Variants in VEPH1 observed in about 807,000 individuals in gnomAD.
VEPH1 encodes the protein ventricular zone expressed PH domain containing 1, also known as ventricular zone-expressed PH domain-containing protein homolog 1.
A neutral mutation model predicts 85.2 loss-of-function variants in VEPH1; 80 were observed. The ratio of observed to expected loss-of-function variants is 0.94; its 90% confidence interval spans 0.78 to 1.13. VEPH1 has a LOEUF of 1.13. Ranked by LOEUF, VEPH1 falls within the 50% of genes most tolerant of loss-of-function variation. The pLI, the probability that VEPH1 is intolerant of heterozygous loss-of-function variation, is 0.00. For missense variants in VEPH1, 955 were observed against 980.5 expected (o/e 0.97, Z 0.35); for synonymous variants, 297 against 348.0 (o/e 0.85, Z 1.63).
At chr3:157,266,575 A>T (rs558110970) in intron 12 of VEPH1, among the ~76,000 whole-genome samples, 13 of 152,300 alleles carry the variant, frequency 8.5e-5, no homozygotes, top group African/African-American at 2.4e-4. Context: ...CTGTTGAATC[A>T]CCAAGCATCT....
At chr3:157,347,728 A>G (rs1399523700) in intron 9 of VEPH1, among the ~76,000 whole-genome samples, 1 of 152,142 alleles carries the variant, frequency 6.6e-6, no homozygotes, top group Non-Finnish European at 1.5e-5. Flanking sequence ...TTTCCAGGAA[A>G]AGGTAAGCAG....
Position 157,311,545 on chromosome 3 carries a change from T to C in VEPH1, c.2010+2076A>G, listed in dbSNP as rs570305211. ...ATAATGTACATTGCAGATATCAAAG[T>C]TTTTTCTATTACTCATGAACAAACC... On this transcript the variant is annotated intron_variant, in intron 11 of 13. Coordinates refer to ENST00000362010, the MANE Select transcript of VEPH1 (RefSeq NM_001167912.2). Among the ~76,000 whole-genome samples the C allele has an allele frequency of 2.0e-5, 3 of 152,284 alleles. No individual in the cohort carries two copies. The East Asian group carries it at 5.8e-4, about 29-fold the overall frequency.
chr3:157,292,297 T>C (rs1403105), intron 11 of VEPH1, among the ~76,000 whole-genome samples: 68,659 of 152,026 alleles, frequency 0.45, 16,404 homozygotes, highest in Admixed American at 0.59. Flanking sequence ...ATCCTATGTC[T>C]TTCAAAGCAG....
intron 12 of VEPH1, among the ~76,000 whole-genome samples, chr3:157,269,633 GT>G (rs1402168956): frequency 2.3e-5 from 2 of 87,058 alleles, no homozygotes; most frequent in Non-Finnish European, 4.8e-5. Flanking sequence ...TTTTGTTTTT[GT>G]TTTTGTTGTT....
intron 3 of VEPH1, among the ~76,000 whole-genome samples, chr3:157,466,398 A>G (rs1181942191): frequency 2.0e-5 from 3 of 152,206 alleles, no homozygotes; most frequent in Non-Finnish European, 2.9e-5. Flanking sequence ...TGGAAGTACT[A>G]AACTCCAGTA....
chr3:157,456,586 A>G (rs1264965771), intron 4 of VEPH1, among the ~76,000 whole-genome samples: 1 of 152,216 alleles, frequency 6.6e-6, no homozygotes, highest in Non-Finnish European at 1.5e-5. Context: ...AATCTTCTGC[A>G]TATGACTAGG....
chr3:157,276,544 C>T (rs769409928), intron 12 of VEPH1, among the ~76,000 whole-genome samples: 3 of 152,146 alleles, frequency 2.0e-5, no homozygotes, highest in African/African-American at 2.4e-5. Context: ...ATATGATATA[C>T]GAAAGAGTAA....
chr3:157,307,081 CCTT>C (rs1214086992), intron 11 of VEPH1, among the ~76,000 whole-genome samples: 1 of 151,866 alleles, frequency 6.6e-6, no homozygotes, highest in African/African-American at 2.4e-5. Context: ...AATACAAAAA[CCTT>C]CTTGTATTTA....
intron 12 of VEPH1, among the ~76,000 whole-genome samples, chr3:157,279,657 A>G (rs990621406): frequency 1.3e-5 from 2 of 152,208 alleles, no homozygotes; most frequent in African/African-American, 4.8e-5. Context: ...AGAAGGTGGG[A>G]AGGATGAAAT....
chr3:157,403,321 T>G (rs1467302078), intron 6 of VEPH1, among the ~76,000 whole-genome samples: 1 of 152,182 alleles, frequency 6.6e-6, no homozygotes, highest in Non-Finnish European at 1.5e-5. Flanking sequence ...ACCTGTGATA[T>G]TCCGTGTAAA....
intron 2 of VEPH1, among the ~76,000 whole-genome samples, chr3:157,482,477 C>A (rs1738203666): frequency 6.6e-6 from 1 of 152,180 alleles, no homozygotes; most frequent in African/African-American, 2.4e-5. Context: ...CCTGCCTTGG[C>A]CCCCCAAAGT....
intron 3 of VEPH1, among the ~76,000 whole-genome samples, chr3:157,461,587 A>G (rs918538155): frequency 6.6e-6 from 1 of 152,238 alleles, no homozygotes; most frequent in Non-Finnish European, 1.5e-5. Flanking sequence ...TATTCTTAGA[A>G]TGAAATGTAG....
At chr3:157,487,270 T>G (rs113704464) in intron 2 of VEPH1, among the ~76,000 whole-genome samples, 1,873 of 152,176 alleles carry the variant, frequency 0.012, 29 homozygotes, top group African/African-American at 0.042. Flanking sequence ...GGGTAAGATA[T>G]CAATGAATAC....
chr3:157,318,959 G>A (rs1172678807), intron 9 of VEPH1, among the ~76,000 whole-genome samples: 1 of 152,126 alleles, frequency 6.6e-6, no homozygotes, highest in Non-Finnish European at 1.5e-5. Flanking sequence ...CTAAGACAGA[G>A]TGTTGTTGAA....
chr3:157,455,654 C>G (rs1447225324), intron 4 of VEPH1, among the ~76,000 whole-genome samples: 4 of 152,142 alleles, frequency 2.6e-5, no homozygotes, highest in Non-Finnish European at 5.9e-5. Flanking sequence ...TTAGCTCCCA[C>G]TTATAAGTGA....
chr3:157,309,904 C>A (rs910512025), intron 11 of VEPH1, among the ~76,000 whole-genome samples: 7 of 152,040 alleles, frequency 4.6e-5, no homozygotes, highest in African/African-American at 2.4e-5. Context: ...CTCAGCCTCC[C>A]GAGTAGTTGG....
intron 6 of VEPH1, among the ~76,000 whole-genome samples, chr3:157,390,292 T>A (rs540727693): frequency 6.6e-6 from 1 of 152,312 alleles, no homozygotes; most frequent in South Asian, 2.1e-4. Flanking sequence ...CGATTATAAT[T>A]CCAATCCCAT....
chr3:157,267,685 T>C (rs1158998221), intron 12 of VEPH1, among the ~76,000 whole-genome samples: 1 of 152,148 alleles, frequency 6.6e-6, no homozygotes, highest in Non-Finnish European at 1.5e-5. Context: ...GGAGAATTGC[T>C]TGGGCCTGGC....
chr3:157,415,141 C>T (rs1256804861), intron 5 of VEPH1: 1 of 152,126 alleles, frequency 6.6e-6, no homozygotes, highest in Non-Finnish European at 1.5e-5. Context: ...CAGCTGTTAT[C>T]CAAGCAATCA....
Sources: gnomAD v4.1 joint callset for allele counts (sites outside exome capture counted in the v4.1 genomes callset) on GRCh38, gnomAD v4.1.1 for gene constraint, MANE v1.5 for transcripts, NCBI Gene and HGNC (gene_info 2026-07-23, HGNC 2026-07-21) for gene names.